ARHGAP39: variants seen among roughly 807,000 people sequenced by gnomAD.
ARHGAP39 encodes the protein Rho GTPase activating protein 39.
In ARHGAP39, 44 loss-of-function variants were observed where a neutral mutation model predicts 106.9. That is an observed-to-expected ratio of 0.41 (90% CI 0.32 to 0.53). The LOEUF (loss-of-function observed/expected upper bound fraction) is 0.53. ARHGAP39 is among the 20% of genes least tolerant of loss of function. ARHGAP39 has a pLI of 0.21. For missense variants in ARHGAP39, 1,496 were observed against 1,577.3 expected, an observed-to-expected ratio of 0.95 and a Z score of 0.87; for synonymous variants, 768 against 693.2, an observed-to-expected ratio of 1.11 and a Z score of -1.69.
chr8:144,637,639 C>T (rs962601222), intron 1 of ARHGAP39, among the ~76,000 whole-genome samples: 5 of 152,090 alleles, frequency 3.3e-5, no homozygotes, highest in Non-Finnish European at 7.4e-5. Context: ...ACAATTATTT[C>T]ATGCAATGTT....
intron 2 of ARHGAP39, among the ~76,000 whole-genome samples, chr8:144,589,291 A>G (rs1001231218): frequency 7.9e-5 from 12 of 152,256 alleles, no homozygotes; most frequent in Non-Finnish European, 1.5e-4. Context: ...TATAAATTAT[A>G]TAAGTAGCAC....
chr8:144,651,041 T>C (rs559596146), intron 1 of ARHGAP39, among the ~76,000 whole-genome samples: 2 of 152,198 alleles, frequency 1.3e-5, no homozygotes, highest in African/African-American at 4.8e-5. Context: ...ATGAAGCTGA[T>C]AACTTCATCA....
intron 1 of ARHGAP39, among the ~76,000 whole-genome samples, chr8:144,623,898 G>C (rs1820870708): frequency 4.6e-5 from 7 of 152,238 alleles, no homozygotes; most frequent in Admixed American, 4.6e-4. Flanking sequence ...GGCAGTGAGT[G>C]AGGAGCTCTG....
Position 144,534,122 on chromosome 8 carries a change from C to A in ARHGAP39, c.2688+7G>T. 2 of 1,612,576 alleles carry A rather than the reference C, an allele frequency of 1.2e-6. No individual in the cohort carries two copies. Among genetic ancestry groups the A allele is most frequent in the Non-Finnish European group, 1.7e-6 (2 of 1,179,632 alleles). On this transcript the variant is annotated splice_region_variant and intron_variant, in intron 8 of 11. Coordinates refer to ENST00000377307, the MANE Select transcript of ARHGAP39 (RefSeq NM_025251.3). ...TGCCCTCCCCGGCCCCCCAGGCGCA[C>A]CCGTACCTTCTTGGCCCCGGTCAGG... is the stretch of plus-strand genomic sequence containing the variant.
intron 1 of ARHGAP39, among the ~76,000 whole-genome samples, 101 bp downstream of exon 1, chr8:144,685,585 G>A (rs1306006065): frequency 1.3e-5 from 2 of 148,958 alleles, no homozygotes; most frequent in African/African-American, 2.4e-5. Flanking sequence ...CGGGCCTGGA[G>A]CCTCCGCCGA....
At chr8:144,675,461 G>T (rs926756006) in intron 1 of ARHGAP39, among the ~76,000 whole-genome samples, 2 of 152,230 alleles carry the variant, frequency 1.3e-5, no homozygotes, top group Non-Finnish European at 2.9e-5. Context: ...TGGGCTCGTG[G>T]TCTTGCTGAC....
At chr8:144,681,250 G>A (rs906765010) in intron 1 of ARHGAP39, among the ~76,000 whole-genome samples, 5 of 152,178 alleles carry the variant, frequency 3.3e-5, no homozygotes, top group Middle Eastern at 3.2e-3. Context: ...CAGAGGGTAA[G>A]GATTTCACTT....
intron 1 of ARHGAP39, among the ~76,000 whole-genome samples, chr8:144,658,200 C>T (rs1272769174): frequency 1.3e-5 from 2 of 152,108 alleles, no homozygotes. Flanking sequence ...ACCTCCGCCT[C>T]CCAGGTTCAG....
intron 1 of ARHGAP39, among the ~76,000 whole-genome samples, chr8:144,636,329 A>C (rs2130983677): frequency 6.6e-6 from 1 of 152,354 alleles, no homozygotes; most frequent in African/African-American, 2.4e-5. Flanking sequence ...TTAGCAATTA[A>C]GAGTGGGAAA....
At chr8:144,570,191 A>G (rs1818536144) in intron 3 of ARHGAP39, among the ~76,000 whole-genome samples, 1 of 152,258 alleles carries the variant, frequency 6.6e-6, no homozygotes, top group South Asian at 2.1e-4. Flanking sequence ...ATTGCACCCC[A>G]GCCCGAGTGA....
chr8:144,618,253 C>T (rs549666237), intron 1 of ARHGAP39, among the ~76,000 whole-genome samples: 7 of 152,330 alleles, frequency 4.6e-5, no homozygotes, highest in African/African-American at 1.7e-4. Context: ...GACTGGGGTC[C>T]TGGTGTGGGG....
intron 3 of ARHGAP39, among the ~76,000 whole-genome samples, chr8:144,556,688 A>T (rs202188398): frequency 3.1e-4 from 20 of 64,056 alleles, no homozygotes; most frequent in Admixed American, 5.6e-4. Flanking sequence ...TAGTATTCAG[A>T]GGCAAAAGGC....
chr8:144,606,911 C>T (rs1820311980), intron 1 of ARHGAP39, among the ~76,000 whole-genome samples: 1 of 148,212 alleles, frequency 6.7e-6, no homozygotes, highest in Non-Finnish European at 1.5e-5. Context: ...TAATTGGACA[C>T]ACACAAAAAA....
At chr8:144,537,700 G>A in intron 7 of ARHGAP39, 21 bp downstream of exon 7, 1 of 1,610,804 alleles carries the variant, frequency 6.2e-7, no homozygotes. Flanking sequence ...CGCGCCCAGG[G>A]GCTGCGGGGA....
chr8:144,534,084 CTG>C (rs1259832155), intron 8 of ARHGAP39, 43 bp downstream of exon 8: 14 of 1,604,162 alleles, frequency 8.7e-6, no homozygotes, highest in African/African-American at 2.7e-5. Flanking sequence ...CCAAGGGTCT[CTG>C]TGTCCCCGCC....
rs74363829 is a variant in ARHGAP39, at chr8:144,595,317, G to A, written c.80+10218C>T. On this transcript the variant is annotated intron_variant, in intron 2 of 11. Coordinates refer to ENST00000377307, the MANE Select transcript of ARHGAP39 (RefSeq NM_025251.3). ...GGTGTGGATGGACCTGGGGCATGTC[G>A]ACGTGAGCGAAGGACCACTCGTATG... Among the ~76,000 whole-genome samples the A allele has an allele frequency of 7.9e-5, 12 of 152,314 alleles. No individual in the cohort carries two copies. In the East Asian group the frequency reaches 1.5e-3, roughly 20 times the overall value.
At chr8:144,682,632 C>T (rs1398734773) in intron 1 of ARHGAP39, among the ~76,000 whole-genome samples, 1 of 152,056 alleles carries the variant, frequency 6.6e-6, no homozygotes, top group East Asian at 1.9e-4. Flanking sequence ...TCCACCTTCT[C>T]ACTTTCTGTT....
At chr8:144,578,481 G>C (rs1345926410) in intron 3 of ARHGAP39, among the ~76,000 whole-genome samples, 1 of 152,168 alleles carries the variant, frequency 6.6e-6, no homozygotes, top group African/African-American at 2.4e-5. Context: ...GCCTTCCTTG[G>C]CCTTGAAAAG....
At chr8:144,543,819 A>T (rs1305117069) in intron 6 of ARHGAP39, 1 of 138,890 alleles carries the variant, frequency 7.2e-6, no homozygotes, top group Non-Finnish European at 1.5e-5. Flanking sequence ...CTGGCCCAAG[A>T]TGGGCCCAAG....
Sources: allele counts gnomAD v4.1 joint callset (sites outside exome capture counted in the v4.1 genomes callset), GRCh38; gene constraint gnomAD v4.1.1; transcripts MANE v1.5; gene names NCBI Gene and HGNC (gene_info 2026-07-23, HGNC 2026-07-21).